Variants in LCP2 observed in about 807,000 individuals in gnomAD.
The protein encoded by LCP2 is 76 kDa tyrosine phosphoprotein.
A neutral mutation model predicts 74.5 loss-of-function variants in LCP2; 29 were observed. The ratio of observed to expected loss-of-function variants is 0.39; its 90% CI spans 0.29 to 0.53. LCP2 has a LOEUF of 0.53. Among genes scored for constraint, LCP2 ranks in the 20% least tolerant of loss-of-function variants. The pLI is 0.72. For missense variants in LCP2, 604 were observed against 634.6 expected, an observed-to-expected ratio of 0.95 and a Z score of 0.52; for synonymous variants, 228 against 229.5, an observed-to-expected ratio of 0.99 and a Z score of 0.06.
intron 19 of LCP2, 26 bp from the exon 20 acceptor site, chr5:170,250,911 T>A: frequency 6.2e-7 from 1 of 1,605,384 alleles, no homozygotes; most frequent in East Asian, 2.2e-5. Flanking sequence ...CCTGTTATTA[T>A]GGGAGCAGTA....
intron 15 of LCP2, chr5:170,258,409 T>A: frequency 2.5e-6 from 1 of 398,080 alleles, no homozygotes. Flanking sequence ...AAAATACACA[T>A]TGATTTTGTT....
In LCP2 at chr5:170,284,753, C is replaced by CTT. The variant is rs35520354; in HGVS notation, c.188+3215_188+3216dup. 3.7e-4 allele frequency among the ~76,000 whole-genome samples: 51 copies of CTT among 137,852 alleles called. 1 individual carries two copies. Among genetic ancestry groups the CTT allele is most frequent in the South Asian group, 9.1e-4 (4 of 4,380 alleles). The allele number at this position is 137,852 out of a possible 152,430, so 90.4% of individuals were successfully genotyped here. On this transcript the variant is annotated intron_variant, in intron 3 of 20. Transcript: ENST00000046794. ...GAAATTGTCCCAAAGTTCCTTGATG[C>CTT]TTTTTTTTTTTTTTTGAGATGGAGT...
chr5:170,256,822 T>C lies in LCP2; in HGVS notation c.1101-247A>G, dbSNP rs892804630. On this transcript the variant is annotated intron_variant, in intron 16 of 20. Transcript: ENST00000046794. The surrounding 1 kb of genome is among the most constrained non-coding windows in gnomAD (Gnocchi z 4.5). ...AAGCAGAACAGCAACAACATTCAAC[T>C]GTGTAAAGGGCACTTAACAGTTACT... 3.3e-5 allele frequency among the ~76,000 whole-genome samples: 5 copies of C among 152,346 alleles called. No homozygotes were observed. Among genetic ancestry groups the C allele is most frequent in the Middle Eastern group, 3.4e-3 (1 of 294 alleles).
chr5:170,277,050 T>C (rs1247737822), intron 3 of LCP2, among the ~76,000 whole-genome samples: 1 of 133,804 alleles, frequency 7.5e-6, no homozygotes, highest in Admixed American at 8.4e-5. Flanking sequence ...CACTCCAGCC[T>C]GGTGACAGAG....
Position 170,252,970 on chromosome 5 carries a change from T to C in LCP2, c.1245+149A>G, listed in dbSNP as rs1394761427. On this transcript the variant is annotated intron_variant, in intron 18 of 20. Transcript: ENST00000046794. Reference sequence around the variant, plus strand: ...CCAAGGGAAAAGAACATATTGTTCATCTGGATCTTCTCCTTTAACTTTTTT... The same window carrying C: ...CCAAGGGAAAAGAACATATTGTTCACCTGGATCTTCTCCTTTAACTTTTTT... The C allele has an allele frequency of 5.1e-6, 3 of 593,856 alleles. No individual in the cohort carries two copies. In the Admixed American group the frequency reaches 9.5e-5, roughly 19 times the overall value. 36.8% of individuals were successfully genotyped at this position (593,856 alleles called of 1,614,324 possible). A position where few individuals can be genotyped will look rare whatever the true frequency, so the allele number is the denominator to read the frequency against.
intron 7 of LCP2, 152 bp downstream of exon 7, chr5:170,270,567 T>C: frequency 1.6e-6 from 1 of 617,038 alleles, no homozygotes; most frequent in Non-Finnish European, 2.7e-6. Flanking sequence ...GAGTTACTTG[T>C]ACAAAGCCAC....
At chr5:170,282,084 G>C (rs954480075) in intron 3 of LCP2, among the ~76,000 whole-genome samples, 5 of 152,102 alleles carry the variant, frequency 3.3e-5, no homozygotes, top group African/African-American at 1.2e-4. Flanking sequence ...CCTTTACAAT[G>C]TTGCAGGTGT....
In LCP2 at chr5:170,256,318, G is replaced by A. The variant is rs577137516; in HGVS notation, c.1150+208C>T. Among the ~76,000 whole-genome samples the A allele has an allele frequency of 2.6e-5, 4 of 152,280 alleles. No individual in the cohort carries two copies. Among genetic ancestry groups the A allele is most frequent in the Admixed American group, 6.5e-5 (1 of 15,288 alleles). On this transcript the variant is annotated intron_variant, in intron 17 of 20. Coordinates refer to ENST00000046794, the MANE Select transcript of LCP2 (RefSeq NM_005565.5). The surrounding 1 kb of genome is among the most constrained non-coding windows in gnomAD (Gnocchi z 4.5). ...TGTGTATGGGCATGTATATGTATAC[G>A]TGTGTGTGTATGTGTTGTGTTTTAG...
Position 170,256,523 on chromosome 5 carries a change from A to T in LCP2, c.1150+3T>A, listed in dbSNP as rs757893558. 2 of 1,612,250 alleles carry T rather than the reference A, an allele frequency of 1.2e-6. No individual in the cohort carries two copies. The highest frequency in any genetic ancestry group is 1.7e-4 in the Middle Eastern group (1 of 6,060). On this transcript the variant is annotated splice_donor_region_variant and intron_variant, in intron 17 of 20. Transcript: ENST00000046794. This position sits in a 1 kb window ranked among gnomAD's most constrained non-coding sequence, Gnocchi z 4.5. ...GCACGTCACAAAAGCCCAGAGTACA[A>T]ACCTTGAGAGAAGTATGGTGGCAGG... is the stretch of plus-strand genomic sequence containing the variant.
chr5:170,254,867 C>T (rs1761522014), intron 17 of LCP2, among the ~76,000 whole-genome samples: 1 of 152,202 alleles, frequency 6.6e-6, no homozygotes, highest in African/African-American at 2.4e-5. Context: ...CAATGCACAG[C>T]ACAAACTTTA....
intron 2 of LCP2, among the ~76,000 whole-genome samples, chr5:170,290,936 GAAGAAAGAAAGAAAGAAAAGAAAGAAAGA>G (rs1314027523): frequency 3.2e-5 from 4 of 125,408 alleles, no homozygotes; most frequent in African/African-American, 9.4e-5. Context: ...GAGAGAGAAA[GAAGAAAGAAAGAAAGAAAAGAAAGAAAGA>G]AAGAAAGAAA....
intron 3 of LCP2, among the ~76,000 whole-genome samples, chr5:170,281,675 A>G (rs1324476083): frequency 6.6e-6 from 1 of 152,140 alleles, no homozygotes; most frequent in African/African-American, 2.4e-5. Flanking sequence ...TACAAAGGAG[A>G]TGCCTCAGTA....
chr5:170,267,087 T>A lies in LCP2; in HGVS notation c.622-12A>T, dbSNP rs1216950924. 1.1e-5 allele frequency: 18 copies of A among 1,613,428 alleles called. No individual in the cohort carries two copies. Among genetic ancestry groups the A allele is most frequent in the Non-Finnish European group, 1.4e-5 (17 of 1,179,844 alleles). ...GGTGGGGGCAGTGGCTGCATAAAGATCCAAACGTTAGGAAGCACTTCCAAT... is the reference window on the plus strand; with the variant it reads ...GGTGGGGGCAGTGGCTGCATAAAGAACCAAACGTTAGGAAGCACTTCCAAT... On this transcript the variant is annotated splice_polypyrimidine_tract_variant and intron_variant, in intron 8 of 20. Coordinates refer to ENST00000046794, the MANE Select transcript of LCP2 (RefSeq NM_005565.5).
chr5:170,289,462 T>C (rs1262617528), intron 2 of LCP2, among the ~76,000 whole-genome samples: 1 of 152,160 alleles, frequency 6.6e-6, no homozygotes, highest in East Asian at 1.9e-4. Context: ...ATCCATCTGA[T>C]CCAGCTCACA....
At chr5:170,259,196 T>A (rs868081080) in intron 14 of LCP2, among the ~76,000 whole-genome samples, 1 of 152,104 alleles carries the variant, frequency 6.6e-6, no homozygotes, top group Non-Finnish European at 1.5e-5. Flanking sequence ...GTCCAAAAGA[T>A]TCATACACAA....
intron 2 of LCP2, among the ~76,000 whole-genome samples, chr5:170,290,845 C>T (rs560161141): frequency 9.9e-5 from 15 of 152,042 alleles, no homozygotes; most frequent in Admixed American, 7.9e-4. Context: ...CTTTTTATAA[C>T]TTCTAGAAGC....
intron 2 of LCP2, among the ~76,000 whole-genome samples, chr5:170,290,990 A>AAGAG (rs1288383102): frequency 1.4e-5 from 1 of 71,392 alleles, no homozygotes; most frequent in East Asian, 2.6e-4. Flanking sequence ...GAAAGAAAGA[A>AAGAG]AGAAAGAAAG....
At chr5:170,272,488 A>AGCCC (rs1385737480) in intron 6 of LCP2, among the ~76,000 whole-genome samples, 2 of 151,996 alleles carry the variant, frequency 1.3e-5, no homozygotes, top group African/African-American at 2.4e-5. Flanking sequence ...ACAGAACTTA[A>AGCCC]GCCCAACCAA....
At position 170,248,508 on chromosome 5, in the gene LCP2, GAATA is replaced by G. The variant is rs1440499189; in HGVS notation, c.*185_*188del. 1.4e-5 allele frequency: 8 copies of G among 584,914 alleles called. No homozygotes were observed. The highest frequency in any genetic ancestry group is 9.7e-5 in the African/African-American group (5 of 51,606). 36.2% of individuals were successfully genotyped at this position (584,914 alleles called of 1,614,324 possible). ...CATGCACTTTACAAACATTGAAGAA[GAATA>G]AATAAATTATGGGATAGTTGACAGT... On this transcript the variant is annotated 3_prime_UTR_variant, in exon 21 of 21. Coordinates refer to ENST00000046794, the MANE Select transcript of LCP2 (RefSeq NM_005565.5).
Sources: allele counts gnomAD v4.1 joint callset (sites outside exome capture counted in the v4.1 genomes callset), GRCh38; gene constraint gnomAD v4.1.1; non-coding constraint Gnocchi (gnomAD v3.1); transcripts MANE v1.5; gene names NCBI Gene and HGNC (gene_info 2026-07-23, HGNC 2026-07-21).